PHLDB1: variants seen among roughly 807,000 people sequenced by gnomAD.
PHLDB1 encodes pleckstrin homology like domain family B member 1.
A neutral mutation model predicts 139.3 loss-of-function variants in PHLDB1; 65 were observed. The ratio of observed to expected loss-of-function variants is 0.47; its 90% CI spans 0.38 to 0.57. PHLDB1 has a LOEUF of 0.57. Ranked by LOEUF, PHLDB1 falls within the 20% of genes least tolerant of loss-of-function variation. PHLDB1 has a pLI of 0.00. For synonymous variants in PHLDB1, 679 were observed against 734.5 expected, an observed-to-expected ratio of 0.92 and a Z score of 1.22; for missense variants, 1,624 against 1,839.7, an observed-to-expected ratio of 0.88 and a Z score of 2.14.
chr11:118,649,433 A>G (rs1288199327), intron 18 of PHLDB1, among the ~76,000 whole-genome samples: 1 of 152,086 alleles, frequency 6.6e-6, no homozygotes, highest in Non-Finnish European at 1.5e-5. Flanking sequence ...GCATTGCTGC[A>G]GTGGCCACTG....
chr11:118,641,978 T>G, intron 12 of PHLDB1: 1 of 557,514 alleles, frequency 1.8e-6, no homozygotes, highest in Non-Finnish European at 3.2e-6. Context: ...ACCCTGACTG[T>G]TTCTCTTTGC....
At chr11:118,635,069 C>G (rs782004723) in intron 9 of PHLDB1, 10 of 508,242 alleles carry the variant, frequency 2.0e-5, no homozygotes, top group East Asian at 4.3e-5. Flanking sequence ...CCACCGCCCC[C>G]CCTCCCCCGG....
At chr11:118,641,745 G>T (rs1210887709) in intron 12 of PHLDB1, 1 of 1,289,828 alleles carries the variant, frequency 7.8e-7, no homozygotes, top group Admixed American at 2.3e-5. Context: ...CTCCCATGCT[G>T]CCCTCCTCCT....
chr11:118,650,215 G>C lies in PHLDB1; in HGVS notation c.3771+22G>C. The C allele has an allele frequency of 6.4e-7, 1 of 1,557,072 alleles. No homozygotes were observed. Among genetic ancestry groups the C allele is most frequent in the Non-Finnish European group, 8.9e-7 (1 of 1,128,046 alleles). On this transcript the variant is annotated intron_variant, in intron 19 of 22. Coordinates refer to ENST00000600882, the MANE Select transcript of PHLDB1 (RefSeq NM_001144758.3). This position sits in a 1 kb window ranked among gnomAD's most constrained non-coding sequence, Gnocchi z 4.7. ...CAAGGTACAAGGCGTGTGTGGCCCTGGGGTGCTGGGGAGAGGGAGAATCCC... is the reference window on the plus strand; with the variant it reads ...CAAGGTACAAGGCGTGTGTGGCCCTCGGGTGCTGGGGAGAGGGAGAATCCC...
At position 118,656,806 on chromosome 11, in the gene PHLDB1, A is replaced by G. The variant is rs782574260; in HGVS notation, c.4117A>G (p.Thr1373Ala). ...CATTGTCACAGGGGCTGAGGGCTAC[A>G]CTCAGTTCATGAACTAACTGCCGTG... is the stretch of plus-strand genomic sequence containing the variant. ...DVIVTGAEGY[T>A]QFMN Residue 1373 changes from threonine (T) to alanine (A), a missense_variant, in exon 23 of 23, where the codon ACT (threonine) becomes GCT (alanine). Transcript: ENST00000600882. 3 of 1,613,570 alleles carry G rather than the reference A, an allele frequency of 1.9e-6. No individual in the cohort carries two copies. The highest frequency in any genetic ancestry group is 2.5e-6 in the Non-Finnish European group (3 of 1,179,656).
rs782714212 is a variant in PHLDB1 at position 118,616,067 on chromosome 11, A to G, written c.211A>G (p.Arg71Gly). The change falls in exon 4 of 23, where the codon AGA (arginine) becomes GGA (glycine). Residue 71 changes from arginine (R) to glycine (G), a missense_variant. Coordinates refer to ENST00000600882, the MANE Select transcript of PHLDB1 (RefSeq NM_001144758.3). ...EGRTVIGSAA[R>G]DISLQGPGLA... Reference sequence around the variant, plus strand: ...GAGGACGGTGATTGGCTCTGCAGCCAGAGACATCTCACTACAGGGCCCAGG... The same window carrying G: ...GAGGACGGTGATTGGCTCTGCAGCCGGAGACATCTCACTACAGGGCCCAGG... 3.1e-6 allele frequency: 5 copies of G among 1,613,714 alleles called. No individual in the cohort carries two copies. Among genetic ancestry groups the G allele is most frequent in the Non-Finnish European group, 3.4e-6 (4 of 1,179,820 alleles).
chr11:118,650,070 C>T lies in PHLDB1; in HGVS notation c.3655-7C>T, dbSNP rs1555134414. 6.2e-7 allele frequency: 1 copy of T among 1,607,938 alleles called. No individual in the cohort carries two copies. Among genetic ancestry groups the T allele is most frequent in the South Asian group, 1.1e-5 (1 of 90,972 alleles). ...GAGACTCTCCTGACCCTCCCTCTTG[C>T]TCCCAGGCACGACCCCTGACCCGCT... On this transcript the variant is annotated splice_region_variant and splice_polypyrimidine_tract_variant and intron_variant, in intron 18 of 22. Coordinates refer to ENST00000600882, the MANE Select transcript of PHLDB1 (RefSeq NM_001144758.3). This position sits in a 1 kb window ranked among gnomAD's most constrained non-coding sequence, Gnocchi z 4.7.
Position 118,616,133 on chromosome 11 carries a change from A to G in PHLDB1, c.277A>G (p.Thr93Ala), listed in dbSNP as rs1555089168. Residue 93 changes from threonine (T) to alanine (A), a missense_variant, in exon 4 of 23, where the codon ACC becomes GCC. Thr to Ala is a moderately conservative substitution (Grantham distance 58, BLOSUM62 0). Coordinates refer to ENST00000600882, the MANE Select transcript of PHLDB1 (RefSeq NM_001144758.3). ...EHCYIENLRG[T>A]LTLYPCGNAC... ...CTGCTACATCGAGAACCTGCGGGGC[A>G]CCCTCACCCTCTACCCCTGTGGCAA... 1 of 1,613,836 alleles carries G rather than the reference A, an allele frequency of 6.2e-7. No homozygotes were observed.
intron 4 of PHLDB1, among the ~76,000 whole-genome samples, chr11:118,617,072 T>C (rs1427078390): frequency 6.6e-6 from 1 of 151,788 alleles, no homozygotes; most frequent in African/African-American, 2.4e-5. Flanking sequence ...AAAATAAAAA[T>C]AAATAAAAAC....
Position 118,644,614 on chromosome 11 carries a change from AC to A in PHLDB1, c.3121+442del, listed in dbSNP as rs1947145990. On this transcript the variant is annotated intron_variant, in intron 15 of 22. Coordinates refer to ENST00000600882, the MANE Select transcript of PHLDB1 (RefSeq NM_001144758.3). ...CTCCTCTTACCCCCTCTGTGTCTCT[AC>A]CGTACCCTCTGCCTGGGGTCCCCCA... 4 of 1,275,842 alleles carry A rather than the reference AC, an allele frequency of 3.1e-6. No individual in the cohort carries two copies. In the South Asian group the frequency reaches 5.1e-5, roughly 16 times the overall value. The allele number at this position is 1,275,842 out of a possible 1,614,324, so 79.0% of individuals were successfully genotyped here.
chr11:118,623,609 G>T (rs1212317900), intron 4 of PHLDB1, among the ~76,000 whole-genome samples: 1 of 152,236 alleles, frequency 6.6e-6, no homozygotes, highest in Non-Finnish European at 1.5e-5. Flanking sequence ...CAGAAAGAAA[G>T]GTGGTGGTCG....
At chr11:118,656,417 G>A (rs1392381435) in intron 22 of PHLDB1, among the ~76,000 whole-genome samples, 7 of 152,140 alleles carry the variant, frequency 4.6e-5, no homozygotes, top group African/African-American at 7.2e-5. Flanking sequence ...AACCTGGGGC[G>A]CCAAGGACCA....
chr11:118,618,796 GC>G (rs1246298994), intron 4 of PHLDB1, among the ~76,000 whole-genome samples: 1 of 151,548 alleles, frequency 6.6e-6, no homozygotes, highest in Admixed American at 6.6e-5. Flanking sequence ...GTGTGCTTTG[GC>G]CTTAGATGCA....
rs1939548310 is a variant in PHLDB1 at position 118,608,587 on chromosome 11, AGCTCAGCGGTCCTGGAGCCTCCCGAG to A, written c.-22+892_-22+917del. On this transcript the variant is annotated intron_variant, in intron 1 of 22. Coordinates refer to ENST00000600882, the MANE Select transcript of PHLDB1 (RefSeq NM_001144758.3). This position sits in a 1 kb window ranked among gnomAD's most constrained non-coding sequence, Gnocchi z 6.7. ...GGGCGGGGCTGCATTCTGGGCCGTTAGCTCAGCGGTCCTGGAGCCTCCCGAGGCTGACTCATCGGGCGGCGGGCTCA... is the reference window on the plus strand; with the variant it reads ...GGGCGGGGCTGCATTCTGGGCCGTTAGCTGACTCATCGGGCGGCGGGCTCA... Among the ~76,000 whole-genome samples the A allele has an allele frequency of 6.6e-6, 1 of 152,180 alleles. No homozygotes were observed.
At chr11:118,638,442 A>G (rs2136444273) in intron 10 of PHLDB1, among the ~76,000 whole-genome samples, 1 of 152,390 alleles carries the variant, frequency 6.6e-6, no homozygotes, top group Non-Finnish European at 1.5e-5. Context: ...AACAAACCTC[A>G]AAGTCATCTT....
At chr11:118,641,773 C>A in intron 12 of PHLDB1, 1 of 1,289,262 alleles carries the variant, frequency 7.8e-7, no homozygotes, top group Non-Finnish European at 1.0e-6. Context: ...TTCCATCACG[C>A]CTTCACCTAA....
rs782187429 is a variant in PHLDB1 at position 118,645,794 on chromosome 11, A to G, written c.3476A>G (p.His1159Arg). The change falls in exon 17 of 23, where the codon CAT (histidine) becomes CGT (arginine). Residue 1159 changes from histidine to arginine, a missense_variant. Transcript: ENST00000600882. The surrounding 1 kb of genome is among the most constrained non-coding windows in gnomAD (Gnocchi z 5.1). Reference sequence around the variant, plus strand: ...ATGGAGAAGATGCTGAAAGAGGCTCATGCAGAGAAGAACCGGCTCATGGAG... The same window carrying G: ...ATGGAGAAGATGCTGAAAGAGGCTCGTGCAGAGAAGAACCGGCTCATGGAG... ...EEMEKMLKEA[H>R]AEKNRLMESR... 7 of 1,613,360 alleles carry G rather than the reference A, an allele frequency of 4.3e-6. No homozygotes were observed. The African/African-American group carries it at 6.7e-5, about 15-fold the overall frequency.
At chr11:118,624,677 CT>C (rs1943533723) in intron 4 of PHLDB1, 1 of 321,090 alleles carries the variant, frequency 3.1e-6, no homozygotes, top group South Asian at 2.3e-5. Context: ...TCTCAGCTCA[CT>C]GCAACCTCCG....
At chr11:118,619,115 T>C (rs1425564759) in intron 4 of PHLDB1, among the ~76,000 whole-genome samples, 2 of 152,130 alleles carry the variant, frequency 1.3e-5, no homozygotes, top group African/African-American at 4.8e-5. Context: ...GGAATCTCAA[T>C]CTGGGTCTAG....
Sources: gnomAD v4.1 joint callset for allele counts (sites outside exome capture counted in the v4.1 genomes callset) on GRCh38, gnomAD v4.1.1 for gene constraint, Gnocchi (gnomAD v3.1) non-coding constraint, MANE v1.5 for transcripts, NCBI Gene and HGNC (gene_info 2026-07-23, HGNC 2026-07-21) for gene names.